MTUS2: variants seen among roughly 807,000 people sequenced by gnomAD.
The protein encoded by MTUS2 is microtubule associated scaffold protein 2.
MTUS2 carries 40 observed loss-of-function variants against 114.1 expected under a neutral mutation model. The ratio of observed to expected loss-of-function variants is 0.35; its 90% CI spans 0.27 to 0.46. MTUS2 has a LOEUF of 0.46. Ranked by LOEUF, MTUS2 falls within the 20% of genes least tolerant of loss-of-function variation. The pLI, the probability that MTUS2 is intolerant of heterozygous loss-of-function variation, is 1.00. For missense variants in MTUS2, 1,679 were observed against 1,705.4 expected, an observed-to-expected ratio of 0.98 and a Z score of 0.27; for synonymous variants, 688 against 672.0, an observed-to-expected ratio of 1.02 and a Z score of -0.37.
chr13:29,355,683 C>T (rs1869678214), intron 7 of MTUS2, among the ~76,000 whole-genome samples: 1 of 152,098 alleles, frequency 6.6e-6, no homozygotes, highest in Non-Finnish European at 1.5e-5. Context: ...GTTTTTGTCG[C>T]CAAAAACCAC....
At chr13:29,262,348 T>G (rs559497510) in intron 5 of MTUS2, among the ~76,000 whole-genome samples, 42 of 152,184 alleles carry the variant, frequency 2.8e-4, no homozygotes, top group Non-Finnish European at 5.7e-4. Context: ...TCTTTTACAT[T>G]TGTGTCCCTG....
chr13:29,293,831 A>G (rs796694382), intron 6 of MTUS2, among the ~76,000 whole-genome samples: 31 of 152,304 alleles, frequency 2.0e-4, no homozygotes, highest in African/African-American at 6.5e-4. Flanking sequence ...GCTATAGAAC[A>G]CAATCTCATT....
chr13:29,010,811 C>G (rs1473148429), intron 2 of MTUS2, among the ~76,000 whole-genome samples: 1 of 152,098 alleles, frequency 6.6e-6, no homozygotes, highest in Non-Finnish European at 1.5e-5. Context: ...AGACTTGAAA[C>G]AGATTTATCT....
At chr13:28,923,927 C>T (rs1881185287) in intron 2 of MTUS2, among the ~76,000 whole-genome samples, 1 of 151,882 alleles carries the variant, frequency 6.6e-6, no homozygotes, top group Admixed American at 6.6e-5. Context: ...TTAGAGCTGC[C>T]CTTCTCCACC....
In MTUS2 at chr13:28,992,208, C is replaced by G. The variant is rs564451929; in HGVS notation, c.-242-32249C>G. Among the ~76,000 whole-genome samples, 3 of 152,332 alleles carry G rather than the reference C, an allele frequency of 2.0e-5. No homozygotes were observed. In the East Asian group the frequency reaches 5.8e-4, roughly 29 times the overall value. On this transcript the variant is annotated intron_variant, in intron 2 of 15. Transcript: ENST00000612955. The stretch of plus-strand genomic sequence containing the variant: ...ACCAGGAAGGGAAGTGTCTTAGCAG[C>G]AACTCCTCCTCTGCAGTCACAAAGC...
At chr13:29,238,766 C>A (rs7992989) in intron 5 of MTUS2, among the ~76,000 whole-genome samples, 1 of 151,932 alleles carries the variant, frequency 6.6e-6, no homozygotes, top group Admixed American at 6.6e-5. Flanking sequence ...ACTTTGCATC[C>A]TTCAATCCAA....
In MTUS2 at chr13:29,049,554, G is replaced by A. The variant is rs745804810; in HGVS notation, c.2446+15429G>A. The stretch of plus-strand genomic sequence containing the variant: ...CTCTCTCGTTCCAAAACCCCTTAAG[G>A]TTTTCTCTTGAGATGATTTTAAGAG... On this transcript the variant is annotated intron_variant, in intron 4 of 15. Transcript: ENST00000612955. 2.0e-5 allele frequency among the ~76,000 whole-genome samples: 3 copies of A among 152,242 alleles called. No individual in the cohort carries two copies. In the East Asian group the frequency reaches 5.8e-4, roughly 29 times the overall value.
At chr13:29,068,568 G>A (rs1459113013) in intron 4 of MTUS2, among the ~76,000 whole-genome samples, 1 of 152,186 alleles carries the variant, frequency 6.6e-6, no homozygotes, top group Non-Finnish European at 1.5e-5. Context: ...AGTCAATTAT[G>A]ATACCATGTA....
chr13:28,946,745 T>A (rs1284109267), intron 2 of MTUS2, among the ~76,000 whole-genome samples: 1 of 152,138 alleles, frequency 6.6e-6, no homozygotes, highest in African/African-American at 2.4e-5. Context: ...AGATGGGGTC[T>A]CACTGTGCTG....
chr13:29,323,529 C>T (rs1163686788), intron 6 of MTUS2, among the ~76,000 whole-genome samples: 1 of 152,080 alleles, frequency 6.6e-6, no homozygotes, highest in African/African-American at 2.4e-5. Flanking sequence ...GGATGACAGG[C>T]GTGAGCCACC....
chr13:29,405,772 G>A (rs766909748), intron 8 of MTUS2, among the ~76,000 whole-genome samples: 35 of 135,218 alleles, frequency 2.6e-4, no homozygotes, highest in Non-Finnish European at 5.1e-4. Context: ...ACTGAGTCTT[G>A]CTCTGTCGCC....
At chr13:29,492,788 C>A in intron 12 of MTUS2, 69 bp downstream of exon 12, 1 of 1,235,390 alleles carries the variant, frequency 8.1e-7, no homozygotes, top group African/African-American at 1.5e-5. Context: ...CACCCACAAA[C>A]ATTCATTCAG....
intron 9 of MTUS2, among the ~76,000 whole-genome samples, chr13:29,461,686 A>G (rs1051788743): frequency 6.6e-6 from 1 of 151,916 alleles, no homozygotes; most frequent in African/African-American, 2.4e-5. Flanking sequence ...ATCAGCAGGC[A>G]GAAACCACAC....
chr13:29,476,399 C>T (rs1344558760), intron 9 of MTUS2: 1 of 152,150 alleles, frequency 6.6e-6, no homozygotes, highest in Non-Finnish European at 1.5e-5. Flanking sequence ...TTATCTTCAC[C>T]ATTGTTATCT....
chr13:29,246,618 T>G (rs1896934694), intron 5 of MTUS2, among the ~76,000 whole-genome samples: 1 of 152,238 alleles, frequency 6.6e-6, no homozygotes, highest in African/African-American at 2.4e-5. Context: ...AAGATGTAGT[T>G]CATTAGGAAT....
chr13:29,400,314 G>A (rs17073330), intron 8 of MTUS2, among the ~76,000 whole-genome samples: 5,931 of 152,198 alleles, frequency 0.039, 398 homozygotes, highest in African/African-American at 0.14. Context: ...AGTGGTCAGC[G>A]GTGTACAGCA....
chr13:29,123,112 T>C (rs933603771), intron 5 of MTUS2, among the ~76,000 whole-genome samples: 3 of 152,232 alleles, frequency 2.0e-5, no homozygotes, highest in African/African-American at 7.2e-5. Flanking sequence ...TTAAAAAAGC[T>C]TCCTGTTTTG....
chr13:29,123,492 G>T (rs546229547), intron 5 of MTUS2, among the ~76,000 whole-genome samples: 1 of 152,016 alleles, frequency 6.6e-6, no homozygotes, highest in African/African-American at 2.4e-5. Flanking sequence ...CGAGAATAGC[G>T]GACCACTTGA....
chr13:29,463,176 C>A (rs900665499), intron 9 of MTUS2, among the ~76,000 whole-genome samples: 2 of 152,014 alleles, frequency 1.3e-5, no homozygotes, highest in African/African-American at 2.4e-5. Context: ...CAGGTGGCCT[C>A]GAGGGGCTGG....
Sources: allele counts gnomAD v4.1 joint callset (sites outside exome capture counted in the v4.1 genomes callset), GRCh38; gene constraint gnomAD v4.1.1; transcripts MANE v1.5; gene names NCBI Gene and HGNC (gene_info 2026-07-23, HGNC 2026-07-21).